LRCH2: variants seen among roughly 807,000 people sequenced by gnomAD.
LRCH2 encodes leucine-rich repeat and calponin homology domain-containing protein 2.
LRCH2 carries 38 observed loss-of-function variants against 68.9 expected under a neutral mutation model. The observed-to-expected ratio is 0.55, with a 90% CI of 0.43 to 0.72. LRCH2 has a LOEUF of 0.72. Ranked by LOEUF, LRCH2 falls within the 30% of genes least tolerant of loss-of-function variation. The pLI is 0.00. For missense variants in LRCH2, 528 were observed against 572.9 expected (o/e 0.92, Z 0.80); for synonymous variants, 191 against 208.1 (o/e 0.92, Z 0.71).
intron 3 of LRCH2, 88 bp downstream of exon 3, chrX:115,184,323 A>G: frequency 1.3e-6 from 1 of 772,813 alleles, no homozygotes. Flanking sequence ...TTTAAAAATT[A>G]CAATTAAATT....
chrX:115,233,602 G>T, intron 1 of LRCH2, 91 bp downstream of exon 1: 2 of 948,072 alleles, frequency 2.1e-6, no homozygotes, highest in Non-Finnish European at 1.4e-6. Flanking sequence ...CACCCGCCCA[G>T]ACCCGCAGAG....
chrX:115,155,038 C>CA lies in LRCH2; in HGVS notation c.1529+1563dup, dbSNP rs561385926. 2.2e-3 allele frequency among the ~76,000 whole-genome samples: 91 copies of CA among 41,800 alleles called. 1 individual carries two copies. Among genetic ancestry groups the CA allele is most frequent in the African/African-American group, 5.5e-3 (54 of 9,823 alleles). 36.3% of individuals were successfully genotyped at this position (41,800 alleles called of 115,157 possible). ...CCTGGGCGACAGAGCAAGACTCTGT[C>CA]AAAAAAAAAAAAAAAAAAAAAAAAG... On this transcript the variant is annotated intron_variant, in intron 12 of 20. Transcript: ENST00000317135.
intron 14 of LRCH2, among the ~76,000 whole-genome samples, chrX:115,135,119 TTTC>T (rs2072278264): frequency 1.9e-5 from 2 of 103,021 alleles, no homozygotes; most frequent in Admixed American, 1.0e-4. Context: ...TTTTCTTTTC[TTTC>T]TTTTTTTTTT....
chrX:115,195,053 G>C (rs2072877029), intron 1 of LRCH2, among the ~76,000 whole-genome samples: 1 of 111,253 alleles, frequency 9.0e-6, no homozygotes, highest in Non-Finnish European at 1.9e-5. Context: ...GGGAGGCCGA[G>C]GTGGGCGGAT....
Position 115,233,818 on chromosome X carries a change from T to A in LRCH2, c.224A>T (p.His75Leu). 1.7e-6 allele frequency: 2 copies of A among 1,169,415 alleles called. No individual in the cohort carries two copies. Among genetic ancestry groups the A allele is most frequent in the Admixed American group, 5.1e-5 (2 of 39,108 alleles). The change falls in exon 1 of 21, where the codon CAC becomes CTC. Residue 75 changes from histidine (H) to leucine (L), a missense_variant. By Grantham distance (99) the His-to-Leu change is moderately conservative. Transcript: ENST00000317135. The part of the protein sequence containing the change: ...PWNPGSLQPQ[H>L]TVRSLDRALE... ...GGCCCGGTCCAGGCTCCTCACGGTGTGCTGAGGCTGCAGGCTCCCCGGGTT... is the reference window on the plus strand; with the variant it reads ...GGCCCGGTCCAGGCTCCTCACGGTGAGCTGAGGCTGCAGGCTCCCCGGGTT...
chrX:115,133,409 C>T (rs782339802), intron 14 of LRCH2, among the ~76,000 whole-genome samples: 2 of 112,034 alleles, frequency 1.8e-5, no homozygotes, highest in African/African-American at 3.2e-5. Context: ...CTATAAAATT[C>T]AGTTTAATCA....
At chrX:115,144,690 C>A (rs1038394744) in intron 14 of LRCH2, among the ~76,000 whole-genome samples, 11 of 111,345 alleles carry the variant, frequency 9.9e-5, no homozygotes, top group African/African-American at 3.6e-4. Context: ...TAAAAATAAT[C>A]CCATTTACAA....
At chrX:115,192,703 T>C in intron 1 of LRCH2, 1 of 1,095,372 alleles carries the variant, frequency 9.1e-7, no homozygotes. Flanking sequence ...GAAGAACCTG[T>C]TCTATGTTAA....
At chrX:115,126,000 A>G (rs2072197395) in intron 16 of LRCH2, among the ~76,000 whole-genome samples, 1 of 110,688 alleles carries the variant, frequency 9.0e-6, no homozygotes, top group African/African-American at 3.3e-5. Flanking sequence ...CTATTAAAAA[A>G]GCAACACCAC....
chrX:115,200,055 G>T (rs2072919282), intron 1 of LRCH2, among the ~76,000 whole-genome samples: 1 of 111,473 alleles, frequency 9.0e-6, no homozygotes, highest in African/African-American at 3.3e-5. Flanking sequence ...GATCAAAGAA[G>T]AAATTAATAC....
At chrX:115,151,445 C>T (rs1015118783) in intron 12 of LRCH2, among the ~76,000 whole-genome samples, 3 of 110,777 alleles carry the variant, frequency 2.7e-5, no homozygotes, top group African/African-American at 6.6e-5. Context: ...AGGAAGAAAA[C>T]TAGATTCCTT....
At chrX:115,192,621 G>A in intron 1 of LRCH2, 2 of 1,170,701 alleles carry the variant, frequency 1.7e-6, no homozygotes, top group Non-Finnish European at 2.3e-6. Flanking sequence ...GCTTCGAGAG[G>A]GGGGAAGGCC....
chrX:115,181,073 A>C (rs888836948), intron 3 of LRCH2, among the ~76,000 whole-genome samples: 7 of 111,806 alleles, frequency 6.3e-5, no homozygotes, highest in African/African-American at 2.3e-4. Context: ...CTAAAAGGTG[A>C]ACCATACTAA....
chrX:115,192,211 T>C (rs1457591766), intron 1 of LRCH2: 1 of 1,159,522 alleles, frequency 8.6e-7, no homozygotes, highest in African/African-American at 1.9e-5. Flanking sequence ...GCCCAATGCC[T>C]ACGGCGGGGG....
At chrX:115,114,692 G>T in intron 20 of LRCH2, among the ~76,000 whole-genome samples, 1 of 110,651 alleles carries the variant, frequency 9.0e-6, no homozygotes, top group East Asian at 2.8e-4. Flanking sequence ...ATACCAAAAT[G>T]ATAATAAGGA....
At chrX:115,211,008 A>G (rs1287252986) in intron 1 of LRCH2, among the ~76,000 whole-genome samples, 2 of 111,911 alleles carry the variant, frequency 1.8e-5, no homozygotes, top group Non-Finnish European at 3.8e-5. Context: ...CTTGCTTTTC[A>G]TTTTACAGGC....
intron 1 of LRCH2, chrX:115,190,452 C>T (rs1231122538): frequency 8.6e-6 from 10 of 1,165,873 alleles, no homozygotes; most frequent in Middle Eastern, 2.3e-4. Context: ...GCAACTCGCC[C>T]GATGCCTGCA....
intron 1 of LRCH2, chrX:115,190,425 C>T (rs1569515713): frequency 1.8e-5 from 21 of 1,164,305 alleles, no homozygotes; most frequent in Non-Finnish European, 2.4e-5. Context: ...GAGGATGCCG[C>T]TACGAGGAGT....
At chrX:115,181,608 A>G (rs1457774731) in intron 3 of LRCH2, among the ~76,000 whole-genome samples, 2 of 112,141 alleles carry the variant, frequency 1.8e-5, no homozygotes, top group African/African-American at 6.5e-5. Flanking sequence ...ATTTCATTGC[A>G]GTTGATTATC....
Sources: gnomAD v4.1 joint callset for allele counts (sites outside exome capture counted in the v4.1 genomes callset) on GRCh38, gnomAD v4.1.1 for gene constraint, MANE v1.5 for transcripts, NCBI Gene and HGNC (gene_info 2026-07-23, HGNC 2026-07-21) for gene names.